FCHSD2: variants seen among roughly 807,000 people sequenced by gnomAD.
The protein encoded by FCHSD2 is FCH and double SH3 domains 2.
Under a neutral mutation model 108.1 loss-of-function variants are expected in FCHSD2, and 38 were observed. The ratio of observed to expected loss-of-function variants is 0.35; its 90% CI spans 0.27 to 0.46. The LOEUF is 0.46. FCHSD2 is among the 20% of genes least tolerant of loss of function. FCHSD2 has a pLI of 1.00. For missense variants in FCHSD2, 751 were observed against 897.8 expected, an observed-to-expected ratio of 0.84 and a Z score of 2.09; for synonymous variants, 279 against 314.7, an observed-to-expected ratio of 0.89 and a Z score of 1.20.
chr11:72,991,922 A>C (rs1180982487), intron 5 of FCHSD2, among the ~76,000 whole-genome samples: 1 of 152,202 alleles, frequency 6.6e-6, no homozygotes, highest in Non-Finnish European at 1.5e-5. Context: ...GCAATCAGGC[A>C]GGAGAAGGAA....
At chr11:73,073,552 T>C (rs1442608972) in intron 3 of FCHSD2, among the ~76,000 whole-genome samples, 2 of 152,212 alleles carry the variant, frequency 1.3e-5, no homozygotes, top group Non-Finnish European at 2.9e-5. Context: ...TCAATCCCAC[T>C]TGAATTAATT....
Position 73,127,654 on chromosome 11 carries a change from A to C in FCHSD2, c.119+12377T>G, listed in dbSNP as rs1212540312. On this transcript the variant is annotated intron_variant, in intron 2 of 19. Coordinates refer to ENST00000409418, the MANE Select transcript of FCHSD2 (RefSeq NM_014824.3). ...GGCCTCCTCAGATAAACAGCTTCAG[A>C]CTTGATACTCTCAAGAGTAAATTGC... 3.3e-5 allele frequency among the ~76,000 whole-genome samples: 5 copies of C among 152,344 alleles called. No individual in the cohort carries two copies. In the East Asian group the frequency reaches 9.6e-4, roughly 29 times the overall value.
intron 12 of FCHSD2, among the ~76,000 whole-genome samples, chr11:72,870,737 A>G (rs1384851346): frequency 2.6e-5 from 4 of 151,988 alleles, no homozygotes; most frequent in Non-Finnish European, 5.9e-5. Context: ...TGTCTCTACT[A>G]AAAATACAAA....
At chr11:73,107,629 T>C (rs377214009) in intron 2 of FCHSD2, among the ~76,000 whole-genome samples, 4 of 152,200 alleles carry the variant, frequency 2.6e-5, no homozygotes, top group African/African-American at 9.7e-5. Flanking sequence ...TAAACTTCCT[T>C]CTACTCTCGA....
chr11:73,027,759 G>C (rs1215846473), intron 3 of FCHSD2, among the ~76,000 whole-genome samples: 1 of 152,260 alleles, frequency 6.6e-6, no homozygotes, highest in Non-Finnish European at 1.5e-5. Flanking sequence ...TTGTAGCCCA[G>C]GACCAGGGCT....
chr11:72,944,159 T>C (rs188717949), intron 8 of FCHSD2, among the ~76,000 whole-genome samples: 3 of 152,280 alleles, frequency 2.0e-5, no homozygotes, highest in East Asian at 1.9e-4. Flanking sequence ...AATAAAATAC[T>C]GGCAAACTGA....
chr11:72,945,599 A>G (rs926947559), intron 8 of FCHSD2, among the ~76,000 whole-genome samples: 22 of 152,210 alleles, frequency 1.4e-4, no homozygotes, highest in Non-Finnish European at 2.6e-4. Context: ...AACTACCATC[A>G]GAGTGAACAG....
intron 11 of FCHSD2, among the ~76,000 whole-genome samples, chr11:72,888,524 G>A (rs989145954): frequency 2.6e-5 from 4 of 152,086 alleles, no homozygotes; most frequent in Non-Finnish European, 5.9e-5. Context: ...ACGGATATAG[G>A]TATCAATAAA....
chr11:72,981,039 T>C (rs1377669308), intron 8 of FCHSD2, among the ~76,000 whole-genome samples: 1 of 152,196 alleles, frequency 6.6e-6, no homozygotes, highest in Non-Finnish European at 1.5e-5. Flanking sequence ...TAAGGGCCAC[T>C]GACAATTCAA....
intron 2 of FCHSD2, among the ~76,000 whole-genome samples, chr11:73,111,604 A>G (rs1860487689): frequency 6.6e-6 from 1 of 151,626 alleles, no homozygotes; most frequent in African/African-American, 2.4e-5. Context: ...TTTACATTCA[A>G]TGTTGTTACT....
intron 8 of FCHSD2, among the ~76,000 whole-genome samples, chr11:72,927,326 ACAT>A (rs1345952250): frequency 2.0e-5 from 3 of 152,220 alleles, no homozygotes; most frequent in African/African-American, 7.2e-5. Flanking sequence ...ATATCATTAT[ACAT>A]TTGTCTAAAC....
At chr11:73,126,405 C>T (rs964608804) in intron 2 of FCHSD2, among the ~76,000 whole-genome samples, 1 of 98,566 alleles carries the variant, frequency 1.0e-5, no homozygotes, top group African/African-American at 3.7e-5. Flanking sequence ...TACAGTAGTA[C>T]ATAAAGCTTG....
At chr11:72,940,888 G>T (rs1223574894) in intron 8 of FCHSD2, 4 of 900,790 alleles carry the variant, frequency 4.4e-6, no homozygotes, top group Non-Finnish European at 7.3e-6. Flanking sequence ...CAAATTTTTT[G>T]AGGTTATCCT....
intron 2 of FCHSD2, among the ~76,000 whole-genome samples, chr11:73,109,352 T>G (rs982708744): frequency 4.6e-5 from 7 of 152,248 alleles, no homozygotes; most frequent in Non-Finnish European, 1.0e-4. Context: ...TCCCAATCCA[T>G]GAACATGGAA....
At chr11:72,937,238 A>G (rs981366002) in intron 8 of FCHSD2, among the ~76,000 whole-genome samples, 1 of 152,200 alleles carries the variant, frequency 6.6e-6, no homozygotes, top group Non-Finnish European at 1.5e-5. Context: ...AAATCAGAAA[A>G]ACGTATAGAT....
rs1254320056 is a variant in FCHSD2 at position 72,867,895 on chromosome 11, A to G, written c.1278T>C (p.Pro426=). The change falls in exon 13 of 20, where the codon CCT becomes CCC. Residue 426 remains proline (P), a synonymous_variant. Transcript: ENST00000409418. ...ELENERWARP[P]AVTSNGTLHS... is the part of the protein sequence containing the mutation. ...GTAAAGTGCCATTACTGGTCACTGC[A>G]GGAGGGCGGGCCCATCGCTCATTTT... 2 of 1,612,850 alleles carry G rather than the reference A, an allele frequency of 1.2e-6. No individual in the cohort carries two copies. Among genetic ancestry groups the G allele is most frequent in the African/African-American group, 2.7e-5 (2 of 75,054 alleles).
At chr11:73,122,718 C>A (rs1055103193) in intron 2 of FCHSD2, among the ~76,000 whole-genome samples, 1 of 152,128 alleles carries the variant, frequency 6.6e-6, no homozygotes, top group Non-Finnish European at 1.5e-5. Flanking sequence ...GGAGATGGTA[C>A]TTATTAGACA....
intron 8 of FCHSD2, among the ~76,000 whole-genome samples, chr11:72,944,150 A>G (rs939397899): frequency 6.6e-6 from 1 of 152,220 alleles, no homozygotes; most frequent in Non-Finnish European, 1.5e-5. Context: ...AAAATCCTCA[A>G]TAAAATACTG....
At chr11:72,964,925 G>GACT (rs1248929249) in intron 8 of FCHSD2, among the ~76,000 whole-genome samples, 3 of 151,946 alleles carry the variant, frequency 2.0e-5, no homozygotes, top group Non-Finnish European at 4.4e-5. Context: ...GAGTAGCGGG[G>GACT]ACTACAGGCG....
Sources: allele counts gnomAD v4.1 joint callset (sites outside exome capture counted in the v4.1 genomes callset), GRCh38; gene constraint gnomAD v4.1.1; transcripts MANE v1.5; gene names NCBI Gene and HGNC (gene_info 2026-07-23, HGNC 2026-07-21).